ERLEC1: variants seen among roughly 807,000 people sequenced by gnomAD.
The protein encoded by ERLEC1 is ER lectin.
A neutral mutation model predicts 68.0 loss-of-function variants in ERLEC1; 47 were observed. That is an observed-to-expected ratio of 0.69 (90% CI 0.55 to 0.88). The LOEUF (loss-of-function observed/expected upper bound fraction) is 0.88. Among genes scored for constraint, ERLEC1 ranks in the 40% least tolerant of loss-of-function variants. The probability of loss-of-function intolerance (pLI) is 0.00; values close to 1 mark genes in which losing one functional copy is unlikely to be tolerated. For missense variants in ERLEC1, 567 were observed against 583.8 expected (o/e 0.97, Z 0.30); for synonymous variants, 225 against 203.2 (o/e 1.11, Z -0.91).
At chr2:53,798,963 AG>A in intron 5 of ERLEC1, 83 bp from the exon 6 acceptor site, 1 of 1,138,176 alleles carries the variant, frequency 8.8e-7, no homozygotes, top group South Asian at 1.5e-5. Flanking sequence ...AAGAAGATTA[AG>A]GTTACAAAGG....
chr2:53,818,103 G>A lies in ERLEC1; in HGVS notation c.*134G>A, dbSNP rs1676997641. ...GTATAAAATGACTCTCAACCACTTT[G>A]TGAATACATATGTGTATATAAGAGG... On this transcript the variant is annotated 3_prime_UTR_variant, in exon 14 of 14. Transcript: ENST00000185150. 1.6e-6 allele frequency: 1 copy of A among 617,082 alleles called. No individual in the cohort carries two copies. The highest frequency in any genetic ancestry group is 2.7e-5 in the Admixed American group (1 of 36,948). 38.2% of individuals were successfully genotyped at this position (617,082 alleles called of 1,614,324 possible).
rs774024258 is a variant in ERLEC1 at position 53,794,371 on chromosome 2, A to G, written c.189A>G (p.Glu63=). Residue 63 remains glutamate, a synonymous_variant, in exon 2 of 14, where the codon GAA becomes GAG. Transcript: ENST00000185150. The part of the protein sequence containing the change: ...SLPTTGVLYK[E]DNYVIMTTAH... ...CCACAACTGGAGTTTTATATAAAGA[A>G]GATAATTATGTCATCATGACAACTG... 1.9e-6 allele frequency: 3 copies of G among 1,570,076 alleles called. No individual in the cohort carries two copies. Among genetic ancestry groups the G allele is most frequent in the Admixed American group, 3.7e-5 (2 of 53,848 alleles).
At chr2:53,812,879 A>G in intron 10 of ERLEC1, 70 bp from the exon 11 acceptor site, 2 of 1,525,110 alleles carry the variant, frequency 1.3e-6, no homozygotes, top group Non-Finnish European at 1.8e-6. Context: ...CAAGAAGGTC[A>G]GGTCATCAGC....
At position 53,818,248 on chromosome 2, in the gene ERLEC1, C is replaced by G. The variant is rs1677003832; in HGVS notation, c.*279C>G. 1 of 257,868 alleles carries G rather than the reference C, an allele frequency of 3.9e-6. No homozygotes were observed. Among genetic ancestry groups the G allele is most frequent in the East Asian group, 7.2e-5 (1 of 13,928 alleles). The allele number at this position is 257,868 out of a possible 1,614,324, so 16.0% of individuals were successfully genotyped here. On this transcript the variant is annotated 3_prime_UTR_variant, in exon 14 of 14. Coordinates refer to ENST00000185150, the MANE Select transcript of ERLEC1 (RefSeq NM_015701.5). ...GATTCCAAAATAAATCTCATCCAAG[C>G]AAGTTAGAGTCCAGCCTAATCAAAT...
At chr2:53,810,662 A>T (rs1396350704) in intron 10 of ERLEC1, among the ~76,000 whole-genome samples, 1 of 152,236 alleles carries the variant, frequency 6.6e-6, no homozygotes, top group Non-Finnish European at 1.5e-5. Context: ...TCAGATTCCA[A>T]GATAGATCAT....
chr2:53,814,973 A>G (rs766874060), intron 13 of ERLEC1, 38 bp downstream of exon 13: 15 of 1,028,730 alleles, frequency 1.5e-5, no homozygotes, highest in Middle Eastern at 2.5e-4. Flanking sequence ...TTCCATTTTG[A>G]GCCATGTTTT....
chr2:53,803,092 C>T (rs1217024831), intron 8 of ERLEC1, among the ~76,000 whole-genome samples: 1 of 152,182 alleles, frequency 6.6e-6, no homozygotes, highest in Non-Finnish European at 1.5e-5. Flanking sequence ...TTCATTCAGA[C>T]CTCCATCATA....
At chr2:53,801,879 C>T in intron 8 of ERLEC1, 37 bp downstream of exon 8, 2 of 1,569,296 alleles carry the variant, frequency 1.3e-6, no homozygotes, top group Non-Finnish European at 1.7e-6. Context: ...TTTGGTGCTT[C>T]ATTTTTAAAA....
intron 10 of ERLEC1, 131 bp from the exon 11 acceptor site, chr2:53,812,818 C>G: frequency 1.2e-6 from 1 of 855,150 alleles, no homozygotes; most frequent in South Asian, 2.1e-5. Flanking sequence ...ATTTGACTGA[C>G]ATCATTACAC....
At position 53,794,395 on chromosome 2, in the gene ERLEC1, T is replaced by C. The variant is rs961816717; in HGVS notation, c.213T>C (p.Thr71=). 43 of 1,592,262 alleles carry C rather than the reference T, an allele frequency of 2.7e-5. No individual in the cohort carries two copies. Among genetic ancestry groups the C allele is most frequent in the Non-Finnish European group, 3.7e-5 (43 of 1,168,832 alleles). Residue 71 remains threonine (T), a synonymous_variant, in exon 2 of 14, where the codon ACT becomes ACC. Coordinates refer to ENST00000185150, the MANE Select transcript of ERLEC1 (RefSeq NM_015701.5). ...AAGATAATTATGTCATCATGACAAC[T>C]GCACATAAAGAAAAATATAAATGCA... ...YKEDNYVIMT[T]AHKEKYKCIL...
intron 10 of ERLEC1, among the ~76,000 whole-genome samples, chr2:53,809,643 A>G (rs1676482933): frequency 6.6e-6 from 1 of 152,180 alleles, no homozygotes; most frequent in Admixed American, 6.6e-5. Context: ...CTAGCTACTC[A>G]GGAGGCTAAG....
At chr2:53,812,902 TTGA>T (rs1224481607) in intron 10 of ERLEC1, 44 bp from the exon 11 acceptor site, 3 of 1,592,848 alleles carry the variant, frequency 1.9e-6, no homozygotes, top group African/African-American at 1.4e-5. Context: ...AAATATCTAC[TTGA>T]TGATATCAAG....
rs1241184835 is a variant in ERLEC1 at position 53,787,271 on chromosome 2, C to G, written c.61C>G (p.Leu21Val). 1.2e-6 allele frequency: 2 copies of G among 1,608,490 alleles called. No homozygotes were observed. Among genetic ancestry groups the G allele is most frequent in the African/African-American group, 2.7e-5 (2 of 74,936 alleles). Reference protein sequence around the residue: ...LVPGGPVLLVLCGLLEASGGG... With the variant: ...LVPGGPVLLVVCGLLEASGGG... ...CCCGGGCGGGCCGGTGTTACTGGTC[C>G]TCTGCGGCCTCCTGGAGGCGTCCGG... The change falls in exon 1 of 14, where the codon CTC (leucine) becomes GTC (valine). Residue 21 changes from leucine (L) to valine (V), a missense_variant. By Grantham distance (32) the Leu-to-Val change is conservative (BLOSUM62 1). Coordinates refer to ENST00000185150, the MANE Select transcript of ERLEC1 (RefSeq NM_015701.5).
chr2:53,811,912 G>GT lies in ERLEC1; in HGVS notation c.1102-1029dup, dbSNP rs920160279. On this transcript the variant is annotated intron_variant, in intron 10 of 13. Transcript: ENST00000185150. The stretch of plus-strand genomic sequence containing the variant: ...GCTTGTTTCCTTTGCCACCATAGGG[G>GT]TTTTTTTTGTTTTGTTTTGTTTGAG... 1.1e-4 allele frequency among the ~76,000 whole-genome samples: 16 copies of GT among 151,918 alleles called. No individual in the cohort carries two copies. In the East Asian group the frequency reaches 1.2e-3, roughly 11 times the overall value.
intron 10 of ERLEC1, among the ~76,000 whole-genome samples, chr2:53,811,539 T>C (rs1246563318): frequency 6.6e-6 from 1 of 152,208 alleles, no homozygotes; most frequent in African/African-American, 2.4e-5. Context: ...AGAGAGATAC[T>C]AAAAATAATA....
chr2:53,814,315 T>C (rs1338669102), intron 11 of ERLEC1, among the ~76,000 whole-genome samples: 1 of 152,214 alleles, frequency 6.6e-6, no homozygotes, highest in Non-Finnish European at 1.5e-5. Context: ...TGAAAATAAT[T>C]ATTAACTAAG....
chr2:53,796,889 C>CTTTTTTTTT (rs958244464), intron 3 of ERLEC1, among the ~76,000 whole-genome samples: 4 of 117,244 alleles, frequency 3.4e-5, no homozygotes, highest in Non-Finnish European at 5.3e-5. Context: ...TTTTCTTTTT[C>CTTTTTTTTT]TTTTTTTTTT....
In ERLEC1 at chr2:53,814,627, T is replaced by C. The variant is rs1676765545; in HGVS notation, c.1304+7T>C. 1.9e-6 allele frequency: 3 copies of C among 1,601,274 alleles called. No homozygotes were observed. Among genetic ancestry groups the C allele is most frequent in the African/African-American group, 2.7e-5 (2 of 74,804 alleles). Reference sequence around the variant, plus strand: ...AGGTGACTGTAAAACTAAAGTAAGTTAGACCATCAAATCATGCTGTATGCC... The same window carrying C: ...AGGTGACTGTAAAACTAAAGTAAGTCAGACCATCAAATCATGCTGTATGCC... On this transcript the variant is annotated splice_region_variant and intron_variant, in intron 12 of 13. Coordinates refer to ENST00000185150, the MANE Select transcript of ERLEC1 (RefSeq NM_015701.5).
intron 8 of ERLEC1, among the ~76,000 whole-genome samples, chr2:53,804,966 C>T (rs1676205727): frequency 1.3e-5 from 2 of 149,146 alleles, no homozygotes; most frequent in South Asian, 2.1e-4. Flanking sequence ...ATTCCATCCA[C>T]GTTGTTGCAA....
Sources: gnomAD v4.1 joint callset for allele counts (sites outside exome capture counted in the v4.1 genomes callset) on GRCh38, gnomAD v4.1.1 for gene constraint, MANE v1.5 for transcripts, NCBI Gene and HGNC (gene_info 2026-07-23, HGNC 2026-07-21) for gene names.